The following CSGALNACT2 variants were observed in gnomAD, a reference collection of about 807,000 sequenced individuals.
CSGALNACT2 encodes the protein chondroitin sulfate N-acetylgalactosaminyltransferase 2, also known as beta 4 GalNAcT-2.
Under a neutral mutation model 55.3 loss-of-function variants are expected in CSGALNACT2, and 35 were observed. The observed-to-expected ratio is 0.63, with a 90% CI of 0.48 to 0.84. The LOEUF is 0.84. CSGALNACT2 is among the 40% of genes least tolerant of loss of function. The pLI is 0.00. For missense variants in CSGALNACT2, 544 were observed against 657.5 expected, an observed-to-expected ratio of 0.83 and a Z score of 1.89; for synonymous variants, 196 against 224.9, an observed-to-expected ratio of 0.87 and a Z score of 1.15.
chr10:43,182,606 C>T (rs1215464781), intron 7 of CSGALNACT2, among the ~76,000 whole-genome samples: 4 of 151,818 alleles, frequency 2.6e-5, no homozygotes, highest in Non-Finnish European at 5.9e-5. Flanking sequence ...TGTGGCTGGT[C>T]GCAGTGGCTA....
At chr10:43,144,480 T>G (rs1838699520) in intron 1 of CSGALNACT2, among the ~76,000 whole-genome samples, 1 of 152,240 alleles carries the variant, frequency 6.6e-6, no homozygotes, top group African/African-American at 2.4e-5. Flanking sequence ...ACTCTATTTT[T>G]GGGGAGATGA....
intron 1 of CSGALNACT2, among the ~76,000 whole-genome samples, chr10:43,147,016 C>T (rs1293188926): frequency 1.1e-5 from 1 of 90,790 alleles, no homozygotes; most frequent in African/African-American, 4.3e-5. Flanking sequence ...CGCTCTGTCG[C>T]CCAGGCTGGA....
At chr10:43,176,476 G>A (rs1338825612) in intron 7 of CSGALNACT2, among the ~76,000 whole-genome samples, 1 of 152,182 alleles carries the variant, frequency 6.6e-6, no homozygotes, top group Non-Finnish European at 1.5e-5. Context: ...CAAAATCCCA[G>A]TATTTAATAC....
At chr10:43,140,731 A>G (rs1031362588) in intron 1 of CSGALNACT2, among the ~76,000 whole-genome samples, 3 of 152,270 alleles carry the variant, frequency 2.0e-5, no homozygotes, top group African/African-American at 7.2e-5. Flanking sequence ...TGTTATTGTC[A>G]TGCTACACAA....
intron 1 of CSGALNACT2, among the ~76,000 whole-genome samples, chr10:43,151,527 G>C (rs1323488800): frequency 2.0e-5 from 3 of 152,114 alleles, no homozygotes; most frequent in Admixed American, 2.0e-4. Context: ...TATGAATGCT[G>C]GGTTCTGTGT....
intron 4 of CSGALNACT2, chr10:43,162,642 G>A (rs1377367672): frequency 1.0e-6 from 1 of 985,290 alleles, no homozygotes; most frequent in Non-Finnish European, 1.2e-6. Flanking sequence ...CTGTACTGTT[G>A]TAAGTGTAAT....
intron 1 of CSGALNACT2, among the ~76,000 whole-genome samples, chr10:43,142,170 CTTT>C (rs546010868): frequency 0.011 from 1,675 of 152,052 alleles, 38 homozygotes; most frequent in African/African-American, 0.038. Flanking sequence ...GGCTTTTACA[CTTT>C]TTATTTTTTT....
At chr10:43,154,155 ATC>A (rs1838942772) in intron 1 of CSGALNACT2, among the ~76,000 whole-genome samples, 2 of 152,312 alleles carry the variant, frequency 1.3e-5, no homozygotes, top group South Asian at 2.1e-4. Flanking sequence ...CTGGGAGAAA[ATC>A]TCTCTCTCCA....
At chr10:43,140,754 A>T (rs1210020282) in intron 1 of CSGALNACT2, among the ~76,000 whole-genome samples, 1 of 152,274 alleles carries the variant, frequency 6.6e-6, no homozygotes, top group Non-Finnish European at 1.5e-5. Flanking sequence ...ACTAGGTATA[A>T]GTGTAAAATT....
At chr10:43,177,764 A>G (rs569570182) in intron 7 of CSGALNACT2, among the ~76,000 whole-genome samples, 61 of 152,290 alleles carry the variant, frequency 4.0e-4, no homozygotes, top group South Asian at 1.9e-3. Context: ...TAGATTTTCA[A>G]TTCTCTTGGA....
At chr10:43,177,045 C>T (rs1010105544) in intron 7 of CSGALNACT2, among the ~76,000 whole-genome samples, 2 of 152,076 alleles carry the variant, frequency 1.3e-5, no homozygotes, top group Admixed American at 6.6e-5. Context: ...TTTTTATAAC[C>T]AGCCTTTTGT....
At chr10:43,152,753 G>A (rs1696598280) in intron 1 of CSGALNACT2, among the ~76,000 whole-genome samples, 1 of 152,076 alleles carries the variant, frequency 6.6e-6, no homozygotes, top group Non-Finnish European at 1.5e-5. Context: ...GCTTAAGTAT[G>A]TATATCTTTA....
At chr10:43,177,360 C>G (rs1251978675) in intron 7 of CSGALNACT2, among the ~76,000 whole-genome samples, 1 of 152,238 alleles carries the variant, frequency 6.6e-6, no homozygotes, top group East Asian at 1.9e-4. Context: ...TCACCACCAT[C>G]AAATTTAGAG....
chr10:43,163,024 C>T (rs897150451), intron 4 of CSGALNACT2: 115 of 985,152 alleles, frequency 1.2e-4, no homozygotes, highest in Non-Finnish European at 1.3e-4. Context: ...TCACTGTTCC[C>T]ATTTTAGGGT....
intron 1 of CSGALNACT2, among the ~76,000 whole-genome samples, chr10:43,141,579 G>A (rs1206396056): frequency 6.9e-6 from 1 of 144,750 alleles, no homozygotes; most frequent in Non-Finnish European, 1.5e-5. Context: ...TTCAGGCAGT[G>A]GAGGCTGCCA....
intron 7 of CSGALNACT2, among the ~76,000 whole-genome samples, chr10:43,178,652 A>G (rs1839530625): frequency 6.6e-6 from 1 of 151,950 alleles, no homozygotes; most frequent in African/African-American, 2.4e-5. Context: ...ATACAATGTA[A>G]ATACTATGTA....
chr10:43,150,736 T>A (rs1412481480), intron 1 of CSGALNACT2, among the ~76,000 whole-genome samples: 1 of 152,206 alleles, frequency 6.6e-6, no homozygotes, highest in Admixed American at 6.5e-5. Context: ...GCTTCTTATG[T>A]GTGTTTATAG....
At chr10:43,153,724 C>G (rs1278027408) in intron 1 of CSGALNACT2, among the ~76,000 whole-genome samples, 1 of 152,170 alleles carries the variant, frequency 6.6e-6, no homozygotes, top group African/African-American at 2.4e-5. Context: ...CCTTGCCTCC[C>G]TTGTCCTAAG....
chr10:43,174,398 A>C (rs1176055630), intron 6 of CSGALNACT2, among the ~76,000 whole-genome samples: 1 of 152,134 alleles, frequency 6.6e-6, no homozygotes, highest in African/African-American at 2.4e-5. Context: ...TGCTATCTGC[A>C]GGAATTTCTG....
Sources: allele counts gnomAD v4.1 joint callset (sites outside exome capture counted in the v4.1 genomes callset), GRCh38; gene constraint gnomAD v4.1.1; transcripts MANE v1.5; gene names NCBI Gene and HGNC (gene_info 2026-07-23, HGNC 2026-07-21).